ROBO2: variants seen among roughly 807,000 people sequenced by gnomAD.
The protein encoded by ROBO2 is roundabout homolog 2.
A neutral mutation model predicts 160.8 loss-of-function variants in ROBO2; 53 were observed. The observed-to-expected ratio is 0.33, with a 90% CI of 0.26 to 0.41. The LOEUF (loss-of-function observed/expected upper bound fraction) is 0.41. Ranked by LOEUF, ROBO2 falls within the 10% of genes least tolerant of loss-of-function variation. ROBO2 has a pLI of 1.00. For missense variants in ROBO2, 1,577 were observed against 1,722.4 expected (o/e 0.92, Z 1.49); for synonymous variants, 664 against 611.7 (o/e 1.09, Z -1.26).
At chr3:76,247,140 A>G (rs184071459) in intron 2 of ROBO2, among the ~76,000 whole-genome samples, 6 of 152,292 alleles carry the variant, frequency 3.9e-5, no homozygotes, top group African/African-American at 1.4e-4. Flanking sequence ...GTTCTTCAAG[A>G]CATTTGGAAT....
intron 2 of ROBO2, among the ~76,000 whole-genome samples, chr3:76,830,682 A>C (rs971792487): frequency 4.0e-5 from 6 of 149,438 alleles, no homozygotes; most frequent in Admixed American, 1.3e-4. Flanking sequence ...ATACTAATCA[A>C]AAGTCACCTA....
intron 2 of ROBO2, among the ~76,000 whole-genome samples, chr3:77,333,840 T>C (rs936495724): frequency 2.0e-5 from 3 of 152,220 alleles, no homozygotes; most frequent in Non-Finnish European, 4.4e-5. Flanking sequence ...ATGTATACTT[T>C]GTTTCTCTTT....
At chr3:76,610,504 G>T (rs1401293866) in intron 2 of ROBO2, among the ~76,000 whole-genome samples, 1 of 152,188 alleles carries the variant, frequency 6.6e-6, no homozygotes, top group African/African-American at 2.4e-5. Flanking sequence ...CAGCAATTGT[G>T]GGGCCCCAAG....
chr3:77,601,207 A>C (rs1309915041), intron 19 of ROBO2, among the ~76,000 whole-genome samples: 1 of 152,208 alleles, frequency 6.6e-6, no homozygotes, highest in African/African-American at 2.4e-5. Flanking sequence ...AATGTCCTAT[A>C]ATGAAAGAAT....
intron 2 of ROBO2, among the ~76,000 whole-genome samples, chr3:76,457,509 T>G (rs1293805245): frequency 6.6e-6 from 1 of 152,072 alleles, no homozygotes; most frequent in Non-Finnish European, 1.5e-5. Context: ...TGGACTGACA[T>G]CGAGTGTCTG....
chr3:76,501,520 G>A (rs12488788), intron 2 of ROBO2, among the ~76,000 whole-genome samples: 58,901 of 151,962 alleles, frequency 0.39, 11,732 homozygotes, highest in Non-Finnish European at 0.44. Context: ...TAAGTGTTCA[G>A]TTGTGCCAGG....
At chr3:76,280,839 T>C (rs1708192441) in intron 2 of ROBO2, among the ~76,000 whole-genome samples, 1 of 151,982 alleles carries the variant, frequency 6.6e-6, no homozygotes, top group Non-Finnish European at 1.5e-5. Flanking sequence ...ATCAAGTAAG[T>C]GCACATTTAA....
At chr3:77,365,150 GAA>G (rs142131118) in intron 2 of ROBO2, among the ~76,000 whole-genome samples, 55,910 of 134,174 alleles carry the variant, frequency 0.42, 11,692 homozygotes, top group East Asian at 0.72. Flanking sequence ...TCCATCTCAG[GAA>G]AAAAAAAAAA....
At chr3:77,032,211 A>G (rs2063367001) in intron 2 of ROBO2, among the ~76,000 whole-genome samples, 1 of 152,138 alleles carries the variant, frequency 6.6e-6, no homozygotes, top group Non-Finnish European at 1.5e-5. Context: ...GTGACAATGA[A>G]AAAAATGTTG....
chr3:77,022,777 T>C (rs1319907247), intron 2 of ROBO2, among the ~76,000 whole-genome samples: 1 of 152,172 alleles, frequency 6.6e-6, no homozygotes, highest in African/African-American at 2.4e-5. Flanking sequence ...TTTTTTTCAA[T>C]TGCAGTAAAA....
chr3:77,142,409 C>A (rs1000214390), intron 2 of ROBO2, among the ~76,000 whole-genome samples: 1 of 152,142 alleles, frequency 6.6e-6, no homozygotes, highest in Admixed American at 6.5e-5. Context: ...CACATATACC[C>A]CTTCAGAGAA....
intron 2 of ROBO2, among the ~76,000 whole-genome samples, chr3:76,878,852 A>G (rs2073047923): frequency 6.6e-6 from 1 of 152,152 alleles, no homozygotes; most frequent in Non-Finnish European, 1.5e-5. Context: ...ATGCAAAAAC[A>G]AACAGGGTTA....
chr3:77,067,639 A>G (rs2066995653), intron 1 of ROBO2, among the ~76,000 whole-genome samples: 1 of 152,168 alleles, frequency 6.6e-6, no homozygotes, highest in Non-Finnish European at 1.5e-5. Context: ...TCAGTGCTGA[A>G]TTGAGTGTTT....
chr3:76,028,850 G>A (rs1559847433), intron 2 of ROBO2, among the ~76,000 whole-genome samples: 2 of 151,940 alleles, frequency 1.3e-5, no homozygotes, highest in Non-Finnish European at 2.9e-5. Context: ...AAAGGCCTGG[G>A]TTATTTGAAT....
At chr3:77,232,573 A>G (rs1275234688) in intron 2 of ROBO2, among the ~76,000 whole-genome samples, 1 of 152,188 alleles carries the variant, frequency 6.6e-6, no homozygotes, top group Non-Finnish European at 1.5e-5. Flanking sequence ...GATATTAAAA[A>G]TGCGGATATT....
chr3:77,181,677 G>A (rs7431965), intron 2 of ROBO2, among the ~76,000 whole-genome samples: 2 of 151,950 alleles, frequency 1.3e-5, no homozygotes, highest in African/African-American at 4.8e-5. Flanking sequence ...ATGCATTAAT[G>A]AATACTGTAA....
intron 2 of ROBO2, among the ~76,000 whole-genome samples, chr3:76,094,065 A>T (rs990479595): frequency 6.6e-6 from 1 of 152,168 alleles, no homozygotes; most frequent in Non-Finnish European, 1.5e-5. Context: ...CCACAGGTAC[A>T]TGGAGCCCTG....
chr3:76,216,209 C>A (rs539034687), intron 2 of ROBO2, among the ~76,000 whole-genome samples: 33 of 152,130 alleles, frequency 2.2e-4, no homozygotes, highest in South Asian at 6.2e-4. Context: ...CAAAAACATG[C>A]CAAATTGTAA....
intron 7 of ROBO2, among the ~76,000 whole-genome samples, chr3:77,549,587 G>A (rs574526450): frequency 6.6e-6 from 1 of 152,072 alleles, no homozygotes; most frequent in Non-Finnish European, 1.5e-5. Context: ...TATGTAAAGT[G>A]GGCTTATAGT....
Sources: gnomAD v4.1 joint callset for allele counts (sites outside exome capture counted in the v4.1 genomes callset) on GRCh38, gnomAD v4.1.1 for gene constraint, MANE v1.5 for transcripts, NCBI Gene and HGNC (gene_info 2026-07-23, HGNC 2026-07-21) for gene names.